The following GSK3B variants were observed in gnomAD, a reference collection of about 807,000 sequenced individuals.
GSK3B encodes the protein glycogen synthase kinase-3 beta.
A neutral mutation model predicts 56.4 loss-of-function variants in GSK3B; 15 were observed. The observed-to-expected ratio is 0.27, with a 90% CI of 0.18 to 0.41. GSK3B has a LOEUF of 0.41. Ranked by LOEUF, GSK3B falls within the 10% of genes least tolerant of loss-of-function variation. The pLI is 1.00. For synonymous variants in GSK3B, 181 were observed against 188.9 expected, an observed-to-expected ratio of 0.96 and a Z score of 0.34; for missense variants, 300 against 513.4, an observed-to-expected ratio of 0.58 and a Z score of 4.02.
At chr3:120,086,195 G>GAA (rs554976616) in intron 1 of GSK3B, among the ~76,000 whole-genome samples, 4 of 134,992 alleles carry the variant, frequency 3.0e-5, no homozygotes, top group African/African-American at 8.1e-5. Context: ...TACTAAGGAG[G>GAA]AAAAAAAAAA....
Position 119,826,812 on chromosome 3 carries a change from A to T in GSK3B, c.1239T>A (p.Ser413=). The change falls in exon 11 of 11, where the codon TCT becomes TCA. Residue 413 remains serine, a synonymous_variant. Coordinates refer to ENST00000264235, the MANE Select transcript of GSK3B (RefSeq NM_001146156.2). ...GDRGQTNNAA[S]ASASNST Reference sequence around the variant, plus strand: ...TTCAGGTGGAGTTGGAAGCTGATGCAGAAGCAGCATTATTGGTCTGTCCAC... The same window carrying T: ...TTCAGGTGGAGTTGGAAGCTGATGCTGAAGCAGCATTATTGGTCTGTCCAC... 6.2e-7 allele frequency: 1 copy of T among 1,613,178 alleles called. No individual in the cohort carries two copies. The highest frequency in any genetic ancestry group is 8.5e-7 in the Non-Finnish European group (1 of 1,179,104).
chr3:119,857,207 T>C (rs979677073), intron 9 of GSK3B, among the ~76,000 whole-genome samples: 2 of 152,202 alleles, frequency 1.3e-5, no homozygotes, highest in Non-Finnish European at 2.9e-5. Context: ...AGGGTGGCTA[T>C]GGCAATTTCT....
intron 8 of GSK3B, 142 bp from the exon 9 acceptor site, chr3:119,863,747 T>TA (rs1180579602): frequency 1.7e-6 from 1 of 589,536 alleles, no homozygotes; most frequent in African/African-American, 1.9e-5. Context: ...TGGAAAGAGT[T>TA]AAATGCATAT....
At chr3:119,972,039 C>T (rs1297174100) in intron 2 of GSK3B, among the ~76,000 whole-genome samples, 1 of 152,162 alleles carries the variant, frequency 6.6e-6, no homozygotes, top group Non-Finnish European at 1.5e-5. Context: ...GATGACCCTC[C>T]TTCTGGCTTA....
intron 8 of GSK3B, among the ~76,000 whole-genome samples, chr3:119,872,445 G>A (rs115206295): frequency 3.2e-4 from 48 of 152,190 alleles, no homozygotes; most frequent in African/African-American, 8.9e-4. Context: ...TGTATTTAAC[G>A]CTAAATTTTC....
At chr3:119,869,600 T>C (rs1198779345) in intron 8 of GSK3B, among the ~76,000 whole-genome samples, 1 of 152,226 alleles carries the variant, frequency 6.6e-6, no homozygotes, top group Non-Finnish European at 1.5e-5. Flanking sequence ...TTAAAAGCCT[T>C]ATCGAGTTTT....
chr3:119,928,282 TA>T (rs1022329739), intron 3 of GSK3B, among the ~76,000 whole-genome samples: 2 of 152,086 alleles, frequency 1.3e-5, no homozygotes, highest in African/African-American at 4.8e-5. Flanking sequence ...ATTTGTAAGC[TA>T]AGTAGACATA....
At chr3:119,970,738 G>C (rs1226108474) in intron 2 of GSK3B, among the ~76,000 whole-genome samples, 2 of 151,672 alleles carry the variant, frequency 1.3e-5, no homozygotes. Context: ...AGTGAGCTGA[G>C]ATCGCGCCAC....
Position 119,822,098 on chromosome 3 carries a change from CA to C in GSK3B, c.*4689del, listed in dbSNP as rs1477824746. The C allele has an allele frequency of 5.6e-6, 1 of 177,902 alleles. No individual in the cohort carries two copies. The highest frequency in any genetic ancestry group is 1.1e-5 in the Non-Finnish European group (1 of 90,880). The allele number at this position is 177,902 out of a possible 1,614,324, so 11.0% of individuals were successfully genotyped here. On this transcript the variant is annotated 3_prime_UTR_variant, in exon 11 of 11. Transcript: ENST00000264235. ...AAAAAAACATTGAGCATACTTTTCACAAAAAAGTTTATATTTAAAATGAAAA... is the reference window on the plus strand; with the variant it reads ...AAAAAAACATTGAGCATACTTTTCACAAAAAGTTTATATTTAAAATGAAAA...
At chr3:119,883,944 C>T (rs564412486) in intron 7 of GSK3B, among the ~76,000 whole-genome samples, 1 of 152,026 alleles carries the variant, frequency 6.6e-6, no homozygotes, top group Admixed American at 6.6e-5. Flanking sequence ...GAGATCTCCA[C>T]CAAGTGGTGA....
At position 119,849,297 on chromosome 3, in the gene GSK3B, G is replaced by GC. The variant is rs773652115; in HGVS notation, c.1097-5945_1097-5944insG. Among the ~76,000 whole-genome samples the GC allele has an allele frequency of 5.1e-4, 77 of 152,160 alleles. 1 individual carries two copies. The highest frequency in any genetic ancestry group is 1.0e-3 in the Non-Finnish European group (70 of 68,022). On this transcript the variant is annotated intron_variant, in intron 9 of 10. Coordinates refer to ENST00000264235, the MANE Select transcript of GSK3B (RefSeq NM_001146156.2). ...AGGATAGGGAGATAAAAAGACAACT[G>GC]TCCTTTGTCTGATCAACAGAAATTG...
intron 9 of GSK3B, among the ~76,000 whole-genome samples, chr3:119,852,322 T>A (rs2055941327): frequency 6.6e-6 from 1 of 152,142 alleles, no homozygotes; most frequent in African/African-American, 2.4e-5. Flanking sequence ...GTTCTAGTGA[T>A]GTACTTGAAA....
At chr3:120,023,332 G>A (rs2057895341) in intron 1 of GSK3B, among the ~76,000 whole-genome samples, 1 of 150,678 alleles carries the variant, frequency 6.6e-6, no homozygotes, top group Admixed American at 6.7e-5. Context: ...GTCCAACACT[G>A]CCCCTAAATT....
At chr3:119,883,441 T>A (rs1049627642) in intron 7 of GSK3B, among the ~76,000 whole-genome samples, 2 of 149,858 alleles carry the variant, frequency 1.3e-5, no homozygotes, top group Admixed American at 6.7e-5. Context: ...CCCAAAAAAA[T>A]TATTAAAAAA....
chr3:119,831,072 G>T (rs1326174410), intron 10 of GSK3B, among the ~76,000 whole-genome samples: 1 of 152,092 alleles, frequency 6.6e-6, no homozygotes, highest in Non-Finnish European at 1.5e-5. Flanking sequence ...AGCTCACACA[G>T]CAAATCTGAG....
At chr3:119,928,624 A>T (rs937735336) in intron 3 of GSK3B, among the ~76,000 whole-genome samples, 11 of 150,286 alleles carry the variant, frequency 7.3e-5, no homozygotes, top group South Asian at 2.1e-4. Context: ...AAAAAAAAAA[A>T]AAAAAAAAAA....
chr3:119,837,758 G>A (rs1409955876), intron 10 of GSK3B, among the ~76,000 whole-genome samples: 1 of 151,552 alleles, frequency 6.6e-6, no homozygotes, highest in Non-Finnish European at 1.5e-5. Context: ...TATTTGATTA[G>A]GAAAATGATA....
intron 3 of GSK3B, among the ~76,000 whole-genome samples, chr3:119,928,612 T>TAAA (rs1160252679): frequency 9.1e-4 from 61 of 67,036 alleles, no homozygotes; most frequent in Non-Finnish European, 1.3e-3. Context: ...ATCAAAAAAA[T>TAAA]AAAAAAAAAA....
intron 3 of GSK3B, among the ~76,000 whole-genome samples, chr3:119,938,513 T>TTA (rs149133584): frequency 0.016 from 2,426 of 152,048 alleles, 59 homozygotes; most frequent in African/African-American, 0.055. Flanking sequence ...ATCATGTTAA[T>TTA]AAAATGATGG....
Sources: gnomAD v4.1 joint callset for allele counts (sites outside exome capture counted in the v4.1 genomes callset) on GRCh38, gnomAD v4.1.1 for gene constraint, MANE v1.5 for transcripts, NCBI Gene and HGNC (gene_info 2026-07-23, HGNC 2026-07-21) for gene names.